The following KCNK13 variants were observed in gnomAD, a reference collection of about 807,000 sequenced individuals.
The protein encoded by KCNK13 is potassium two pore domain channel subfamily K member 13.
KCNK13 carries 12 observed loss-of-function variants against 23.4 expected under a neutral mutation model. The observed-to-expected ratio is 0.51, with a 90% confidence interval of 0.33 to 0.83. The LOEUF (loss-of-function observed/expected upper bound fraction) is 0.83, where lower values mean the gene tolerates loss of function less well. Ranked by LOEUF, KCNK13 falls within the 40% of genes least tolerant of loss-of-function variation. The probability of loss-of-function intolerance (pLI) is 0.02; values close to 1 mark genes in which losing one functional copy is unlikely to be tolerated. For synonymous variants in KCNK13, 231 were observed against 229.5 expected (o/e 1.01, Z -0.06); for missense variants, 463 against 556.3 (o/e 0.83, Z 1.69).
In KCNK13 at chr14:90,062,306, G is replaced by T. The variant is rs1298642355; in HGVS notation, c.101G>T (p.Gly34Val). ...CTCATCGTGCTCTACCTGCTGGGCG[G>T]CGCCGCCGTCTTCTCCGCGCTGGAG... Reference protein sequence around the residue: ...AALIVLYLLGGAAVFSALELA... With the variant: ...AALIVLYLLGVAAVFSALELA... The change falls in exon 1 of 2, where the codon GGC becomes GTC. Residue 34 changes from glycine (G) to valine (V), a missense_variant. By Grantham distance (109) the Gly-to-Val change is moderately radical. This residue lies in a region of KCNK13 where 153 missense variants were observed against 153.6 expected (regional missense o/e 1.00). Transcript: ENST00000282146. The surrounding 1 kb of genome is among the most constrained non-coding windows in gnomAD (Gnocchi z 4.5). 1 of 1,558,702 alleles carries T rather than the reference G, an allele frequency of 6.4e-7. No individual in the cohort carries two copies. The highest frequency in any genetic ancestry group is 1.2e-5 in the South Asian group (1 of 85,428).
intron 1 of KCNK13, among the ~76,000 whole-genome samples, chr14:90,101,790 C>CAAAAAAAAAAAAAAAAAACAA (rs1889481281): frequency 1.8e-5 from 1 of 55,594 alleles, no homozygotes. Context: ...ACTCCGTCTC[C>CAAAAAAAAAAAAAAAAAACAA]AAAAAAAAAA....
At chr14:90,088,059 G>A (rs1441446376) in intron 1 of KCNK13, among the ~76,000 whole-genome samples, 1 of 152,112 alleles carries the variant, frequency 6.6e-6, no homozygotes, top group Non-Finnish European at 1.5e-5. Flanking sequence ...CTGGAGTGCA[G>A]TGGTGTGATC....
At chr14:90,156,640 G>T (rs1441635284) in intron 1 of KCNK13, among the ~76,000 whole-genome samples, 2 of 152,182 alleles carry the variant, frequency 1.3e-5, no homozygotes, top group African/African-American at 4.8e-5. Context: ...AGGAGGAGCA[G>T]CAGGCACATT....
intron 1 of KCNK13, among the ~76,000 whole-genome samples, chr14:90,073,357 TG>T (rs576746471): frequency 1.1e-3 from 164 of 152,326 alleles, no homozygotes; most frequent in African/African-American, 3.8e-3. Context: ...CTCTCAAAGC[TG>T]CAACCTCTCT....
chr14:90,144,553 G>A (rs1318629198), intron 1 of KCNK13, among the ~76,000 whole-genome samples: 1 of 142,832 alleles, frequency 7.0e-6, no homozygotes, highest in Non-Finnish European at 1.5e-5. Context: ...CTGGAGTGTA[G>A]TGGGACAATC....
Position 90,110,250 on chromosome 14 carries a change from G to T in KCNK13, c.334+47711G>T, listed in dbSNP as rs181384789. ...CACCTGAGCCGGTGCGGTGGCTCAT[G>T]CCTGTAATCCCAGCACTTTGGGAGG... is the stretch of plus-strand genomic sequence containing the variant. On this transcript the variant is annotated intron_variant, in intron 1 of 1. Coordinates refer to ENST00000282146, the MANE Select transcript of KCNK13 (RefSeq NM_022054.4). 3.3e-5 allele frequency among the ~76,000 whole-genome samples: 5 copies of T among 152,156 alleles called. No homozygotes were observed. The East Asian group carries it at 9.7e-4, about 30-fold the overall frequency.
chr14:90,136,597 T>C (rs1164013459), intron 1 of KCNK13, among the ~76,000 whole-genome samples: 1 of 152,184 alleles, frequency 6.6e-6, no homozygotes, highest in Non-Finnish European at 1.5e-5. Flanking sequence ...TAGTTATTAT[T>C]ACAAGACAGC....
At chr14:90,082,812 T>C (rs1279242653) in intron 1 of KCNK13, among the ~76,000 whole-genome samples, 1 of 152,236 alleles carries the variant, frequency 6.6e-6, no homozygotes, top group Admixed American at 6.5e-5. Flanking sequence ...CTTGAGCATG[T>C]AGGTTTGGAA....
At chr14:90,175,454 C>T (rs562451270) in intron 1 of KCNK13, among the ~76,000 whole-genome samples, 1 of 152,290 alleles carries the variant, frequency 6.6e-6, no homozygotes, top group Non-Finnish European at 1.5e-5. Context: ...GGAGGCTGTT[C>T]CTTAAAAATC....
At chr14:90,166,490 G>T (rs1470259605) in intron 1 of KCNK13, among the ~76,000 whole-genome samples, 1 of 152,196 alleles carries the variant, frequency 6.6e-6, no homozygotes, top group East Asian at 1.9e-4. Context: ...CAGACCACCT[G>T]TGGTCAGGAG....
chr14:90,068,262 G>A (rs1446473233), intron 1 of KCNK13, among the ~76,000 whole-genome samples: 1 of 152,166 alleles, frequency 6.6e-6, no homozygotes, highest in Non-Finnish European at 1.5e-5. Context: ...CATCCCCTTT[G>A]TGGCAAGTTG....
At chr14:90,127,452 ACT>A (rs1491276511) in intron 1 of KCNK13, among the ~76,000 whole-genome samples, 4 of 87,638 alleles carry the variant, frequency 4.6e-5, no homozygotes, top group African/African-American at 1.6e-4. Flanking sequence ...TGCTCACCAT[ACT>A]TTTTTTTTTT....
At chr14:90,166,854 C>G (rs1471756050) in intron 1 of KCNK13, among the ~76,000 whole-genome samples, 1 of 152,076 alleles carries the variant, frequency 6.6e-6, no homozygotes, top group Non-Finnish European at 1.5e-5. Context: ...TGATTGGTGC[C>G]CTGCACACAC....
intron 1 of KCNK13, among the ~76,000 whole-genome samples, chr14:90,182,346 A>T (rs1317885584): frequency 6.6e-6 from 1 of 152,182 alleles, no homozygotes; most frequent in Non-Finnish European, 1.5e-5. Flanking sequence ...AAAAGCCCAC[A>T]CATTTCAAGG....
intron 1 of KCNK13, among the ~76,000 whole-genome samples, chr14:90,117,538 C>T (rs1008285438): frequency 3.9e-5 from 6 of 151,932 alleles, no homozygotes; most frequent in Non-Finnish European, 7.4e-5. Context: ...TGCAGTGAAC[C>T]AAGATTGCAC....
chr14:90,132,543 C>CA (rs397853239), intron 1 of KCNK13, among the ~76,000 whole-genome samples: 855 of 83,786 alleles, frequency 0.01, 9 homozygotes, highest in African/African-American at 0.021. Context: ...GACTCTGTCT[C>CA]AAAAAAAAAA....
chr14:90,165,328 A>G (rs1351213537), intron 1 of KCNK13, among the ~76,000 whole-genome samples: 1 of 152,002 alleles, frequency 6.6e-6, no homozygotes, highest in African/African-American at 2.4e-5. Context: ...CCCTAGGCCA[A>G]GAAGTACAGC....
chr14:90,115,066 T>G (rs950028415), intron 1 of KCNK13, among the ~76,000 whole-genome samples: 3 of 152,246 alleles, frequency 2.0e-5, no homozygotes, highest in African/African-American at 7.2e-5. Flanking sequence ...ATGCAGATTC[T>G]GGCAACCAGG....
chr14:90,063,265 A>T (rs893963216), intron 1 of KCNK13, among the ~76,000 whole-genome samples: 1 of 152,012 alleles, frequency 6.6e-6, no homozygotes, highest in African/African-American at 2.4e-5. Flanking sequence ...GGCTAATGGG[A>T]TGGAGGCGGG....
Sources: allele counts gnomAD v4.1 joint callset (sites outside exome capture counted in the v4.1 genomes callset), GRCh38; gene constraint gnomAD v4.1.1; regional missense constraint gnomAD v4.1.1; non-coding constraint Gnocchi (gnomAD v3.1); transcripts MANE v1.5; gene names NCBI Gene and HGNC (gene_info 2026-07-23, HGNC 2026-07-21).